Variants in SPTBN1 observed in about 807,000 individuals in gnomAD.
SPTBN1 encodes the protein spectrin beta, non-erythrocytic 1.
In SPTBN1, 32 loss-of-function variants were observed where a neutral mutation model predicts 266.4. The ratio of observed to expected loss-of-function variants is 0.12; its 90% CI spans 0.09 to 0.16. SPTBN1 has a LOEUF of 0.16. Among genes scored for constraint, SPTBN1 ranks in the 10% least tolerant of loss-of-function variants. SPTBN1 has a pLI of 1.00. For missense variants in SPTBN1, 2,296 were observed against 3,067.1 expected, an observed-to-expected ratio of 0.75 and a Z score of 5.94; for synonymous variants, 1,336 against 1,162.2, an observed-to-expected ratio of 1.15 and a Z score of -3.04.
chr2:54,517,945 TG>T (rs1309954047), intron 1 of SPTBN1, among the ~76,000 whole-genome samples: 4 of 83,380 alleles, frequency 4.8e-5, no homozygotes, highest in African/African-American at 2.0e-4. Flanking sequence ...TGCCTGGTAT[TG>T]TTTTTTTTTT....
At chr2:54,666,857 G>T (rs1210268103) in intron 34 of SPTBN1, among the ~76,000 whole-genome samples, 1 of 152,218 alleles carries the variant, frequency 6.6e-6, no homozygotes, top group Admixed American at 6.5e-5. Flanking sequence ...CAGATGGTTT[G>T]ATTTATTAAG....
intron 3 of SPTBN1, among the ~76,000 whole-genome samples, chr2:54,608,105 G>A (rs1050496637): frequency 6.6e-6 from 1 of 152,124 alleles, no homozygotes; most frequent in Non-Finnish European, 1.5e-5. Context: ...TCCCCTGTGA[G>A]GTCCGCTCAG....
At chr2:54,465,134 CCTT>C (rs1036583077) in intron 1 of SPTBN1, among the ~76,000 whole-genome samples, 6 of 152,154 alleles carry the variant, frequency 3.9e-5, no homozygotes, top group East Asian at 1.9e-4. Context: ...TTATATCTGT[CCTT>C]CTTTGCAGTT....
intron 2 of SPTBN1, among the ~76,000 whole-genome samples, chr2:54,586,761 T>C (rs569494997): frequency 6.6e-6 from 1 of 152,338 alleles, no homozygotes; most frequent in South Asian, 2.1e-4. Flanking sequence ...CTGTTAACTT[T>C]GACATCCTCA....
chr2:54,638,333 G>T (rs957504802), intron 18 of SPTBN1, among the ~76,000 whole-genome samples: 1 of 152,232 alleles, frequency 6.6e-6, no homozygotes, highest in African/African-American at 2.4e-5. Context: ...GATATGGAAG[G>T]AAAGAACTAA....
At chr2:54,611,519 C>T (rs1392418956) in intron 3 of SPTBN1, among the ~76,000 whole-genome samples, 2 of 151,924 alleles carry the variant, frequency 1.3e-5, no homozygotes, top group Non-Finnish European at 2.9e-5. Context: ...AAATGTTCAC[C>T]TTCCAAGGGC....
At chr2:54,591,530 A>G (rs1041841296) in intron 2 of SPTBN1, among the ~76,000 whole-genome samples, 1 of 152,234 alleles carries the variant, frequency 6.6e-6, no homozygotes, top group African/African-American at 2.4e-5. Context: ...AAAGTAAAAG[A>G]AAGATTCCTT....
At chr2:54,607,286 A>AC (rs1365948832) in intron 3 of SPTBN1, among the ~76,000 whole-genome samples, 1 of 152,260 alleles carries the variant, frequency 6.6e-6, no homozygotes, top group Non-Finnish European at 1.5e-5. Context: ...CTATTTACAT[A>AC]CCATTTATAT....
At chr2:54,562,809 C>T (rs1490486419) in intron 2 of SPTBN1, among the ~76,000 whole-genome samples, 1 of 151,696 alleles carries the variant, frequency 6.6e-6, no homozygotes, top group Non-Finnish European at 1.5e-5. Flanking sequence ...TGGTCTGCCT[C>T]GGCCTCCCAA....
In SPTBN1 at chr2:54,558,659, G is replaced by C. The variant is rs770691997; in HGVS notation, c.148+32093G>C. Reference sequence around the variant, plus strand: ...GATCACCCTGCTGGACTTGCAGACCGGAATGGGGCTCGCCTAAGGAGCCGA... The same window carrying C: ...GATCACCCTGCTGGACTTGCAGACCCGAATGGGGCTCGCCTAAGGAGCCGA... On this transcript the variant is annotated intron_variant, in intron 2 of 35. Transcript: ENST00000356805. This position sits in a 1 kb window ranked among gnomAD's most constrained non-coding sequence, Gnocchi z 4.6. 1.1e-5 allele frequency: 16 copies of C among 1,497,598 alleles called. No homozygotes were observed. Among genetic ancestry groups the C allele is most frequent in the Non-Finnish European group, 1.3e-5 (15 of 1,121,930 alleles). 92.8% of individuals were successfully genotyped at this position (1,497,598 alleles called of 1,614,324 possible). A position where few individuals can be genotyped will look rare whatever the true frequency, so the allele number is the denominator to read the frequency against.
intron 34 of SPTBN1, among the ~76,000 whole-genome samples, 193 bp downstream of exon 34, chr2:54,666,281 C>T (rs1291063036): frequency 2.6e-5 from 4 of 152,184 alleles, no homozygotes; most frequent in East Asian, 1.9e-4. Flanking sequence ...GGCCAGCCAC[C>T]AGCTTCCCTG....
rs746446152 is a variant in SPTBN1 at position 54,529,429 on chromosome 2, G to A, written c.148+2863G>A. On this transcript the variant is annotated intron_variant, in intron 2 of 35. Transcript: ENST00000356805. ...AGGCTTTAAAGGCCAAGAAGGTAGT[G>A]TTGAAAGGTGTCCACGGCCACAAAA... The A allele has an allele frequency of 4.3e-6, 3 of 705,868 alleles. No homozygotes were observed. In the Admixed American group the frequency reaches 5.3e-5, roughly 12 times the overall value. 43.7% of individuals were successfully genotyped at this position (705,868 alleles called of 1,614,324 possible). A position where few individuals can be genotyped will look rare whatever the true frequency, so the allele number is the denominator to read the frequency against.
rs762735222 is a variant in SPTBN1, at chr2:54,628,065, C to T, written c.1645-32C>T. ...GATGCTGAAGTCAAGGCTATAGTCA[C>T]AGATGTCCTTTTGGTTGCTTCTTGT... On this transcript the variant is annotated intron_variant, in intron 12 of 35. Transcript: ENST00000356805. This position sits in a 1 kb window ranked among gnomAD's most constrained non-coding sequence, Gnocchi z 4.3. 1 of 1,586,954 alleles carries T rather than the reference C, an allele frequency of 6.3e-7. No individual in the cohort carries two copies. The highest frequency in any genetic ancestry group is 8.6e-7 in the Non-Finnish European group (1 of 1,165,842).
In SPTBN1 at chr2:54,666,050, C is replaced by T. The variant is rs1389280925; in HGVS notation, c.6795C>T (p.Ala2265=). The T allele has an allele frequency of 9.9e-6, 16 of 1,612,432 alleles. No homozygotes were observed. The Admixed American group carries it at 2.7e-4, about 27-fold the overall frequency. ...VSLKEAVCEV[A]LDYKKKKHVF... Reference sequence around the variant, plus strand: ...TGAAAGAAGCTGTCTGCGAAGTGGCCCTTGATTACAAAAAGAAGAAACACG... The same window carrying T: ...TGAAAGAAGCTGTCTGCGAAGTGGCTCTTGATTACAAAAAGAAGAAACACG... The change falls in exon 34 of 36, where the codon GCC becomes GCT. Residue 2265 remains alanine (A), a synonymous_variant. Coordinates refer to ENST00000356805, the MANE Select transcript of SPTBN1 (RefSeq NM_003128.3).
In SPTBN1 at chr2:54,472,610, CA is replaced by C. The variant is rs764745244; in HGVS notation, c.-48+16093del. On this transcript the variant is annotated intron_variant, in intron 1 of 35. Coordinates refer to ENST00000356805, the MANE Select transcript of SPTBN1 (RefSeq NM_003128.3). ...GTTTTTTAAGTCAGAGTGGTAAAAACAGGGGGGGTTGGGAGTGGTCTTTGAA... is the reference window on the plus strand; with the variant it reads ...GTTTTTTAAGTCAGAGTGGTAAAAACGGGGGGGTTGGGAGTGGTCTTTGAA... Among the ~76,000 whole-genome samples the C allele has an allele frequency of 1.6e-4, 24 of 151,788 alleles. 1 individual carries two copies. Among genetic ancestry groups the C allele is most frequent in the Non-Finnish European group, 2.8e-4 (19 of 67,980 alleles).
chr2:54,550,216 A>G (rs1672489368), intron 2 of SPTBN1, among the ~76,000 whole-genome samples: 1 of 152,196 alleles, frequency 6.6e-6, no homozygotes, highest in Non-Finnish European at 1.5e-5. Context: ...CCTACTTACG[A>G]GGCAGCTGGC....
intron 3 of SPTBN1, among the ~76,000 whole-genome samples, chr2:54,611,240 G>T (rs1396413569): frequency 6.6e-6 from 1 of 151,992 alleles, no homozygotes; most frequent in East Asian, 1.9e-4. Flanking sequence ...CCATTCATCT[G>T]AATCTTTTCA....
intron 1 of SPTBN1, among the ~76,000 whole-genome samples, chr2:54,481,594 A>G (rs1324174454): frequency 3.3e-5 from 5 of 152,194 alleles, no homozygotes; most frequent in Non-Finnish European, 5.9e-5. Context: ...CTGCTGGACA[A>G]GAGTGAGCCA....
intron 2 of SPTBN1, among the ~76,000 whole-genome samples, chr2:54,531,032 C>T (rs902024729): frequency 3.3e-5 from 5 of 151,904 alleles, no homozygotes; most frequent in Non-Finnish European, 5.9e-5. Flanking sequence ...CCTGAGAGGA[C>T]ATGGAAGCCC....
Sources: allele counts gnomAD v4.1 joint callset (sites outside exome capture counted in the v4.1 genomes callset), GRCh38; gene constraint gnomAD v4.1.1; non-coding constraint Gnocchi (gnomAD v3.1); transcripts MANE v1.5; gene names NCBI Gene and HGNC (gene_info 2026-07-23, HGNC 2026-07-21).